TMEM204: variants seen among roughly 807,000 people sequenced by gnomAD.
TMEM204 encodes claudin-like protein 24.
In TMEM204, 15 loss-of-function variants were observed where a neutral mutation model predicts 19.4. The ratio of observed to expected loss-of-function variants is 0.77; its 90% confidence interval spans 0.52 to 1.19. The LOEUF (loss-of-function observed/expected upper bound fraction) is 1.19. TMEM204 is among the 50% of genes most tolerant of loss of function. The pLI is 0.00. For synonymous variants in TMEM204, 161 were observed against 146.0 expected (o/e 1.10, Z -0.74); for missense variants, 287 against 321.2 (o/e 0.89, Z 0.81).
At chr16:1,537,942 T>C (rs2031238757) in intron 1 of TMEM204, among the ~76,000 whole-genome samples, 1 of 152,134 alleles carries the variant, frequency 6.6e-6, no homozygotes, top group Non-Finnish European at 1.5e-5. Context: ...GCTCCCGGGC[T>C]TCACCCCCTG....
chr16:1,541,195 C>T (rs1420054965), intron 1 of TMEM204: 1 of 985,434 alleles, frequency 1.0e-6, no homozygotes, highest in Non-Finnish European at 1.2e-6. Flanking sequence ...TGGGCACAGG[C>T]CTGCTGTGAG....
At position 1,534,477 on chromosome 16, in the gene TMEM204, G is replaced by T. The variant is rs2030850126; in HGVS notation, c.202G>T (p.Val68Leu). The T allele has an allele frequency of 6.2e-7, 1 of 1,610,790 alleles. No homozygotes were observed. The highest frequency in any genetic ancestry group is 8.5e-7 in the Non-Finnish European group (1 of 1,179,870). ...GPSPGARAGQVDAHDCEALGW... is the reference protein window; with the variant it reads ...GPSPGARAGQLDAHDCEALGW... Reference sequence around the variant, plus strand: ...GAGCCCTGGGGCCAGAGCCGGCCAGGTGGACGCACATGACTGTGAGGCGCT... The same window carrying T: ...GAGCCCTGGGGCCAGAGCCGGCCAGTTGGACGCACATGACTGTGAGGCGCT... The change falls in exon 1 of 3, where the codon GTG (valine) becomes TTG (leucine). Residue 68 changes from valine (V) to leucine (L), a missense_variant. Coordinates refer to ENST00000566264, the MANE Select transcript of TMEM204 (RefSeq NM_024600.6).
At chr16:1,543,360 C>A (rs964695334) in intron 2 of TMEM204, among the ~76,000 whole-genome samples, 10 of 152,240 alleles carry the variant, frequency 6.6e-5, no homozygotes, top group Non-Finnish European at 2.9e-5. Flanking sequence ...ACTGTGGGGG[C>A]AGGTATTCCT....
At chr16:1,548,117 C>G (rs946658638) in intron 2 of TMEM204, among the ~76,000 whole-genome samples, 1 of 152,232 alleles carries the variant, frequency 6.6e-6, no homozygotes, top group Non-Finnish European at 1.5e-5. Flanking sequence ...GCCTCTCCCT[C>G]TAGAGAGGAT....
Position 1,551,720 on chromosome 16 carries a change from G to A in TMEM204, c.437-3062G>A, listed in dbSNP as rs756210956. Among the ~76,000 whole-genome samples the A allele has an allele frequency of 7.9e-5, 12 of 152,166 alleles. No homozygotes were observed. The highest frequency in any genetic ancestry group is 1.3e-4 in the Non-Finnish European group (9 of 68,022). On this transcript the variant is annotated intron_variant, in intron 2 of 2. Coordinates refer to ENST00000566264, the MANE Select transcript of TMEM204 (RefSeq NM_024600.6). The surrounding 1 kb of genome is among the most constrained non-coding windows in gnomAD (Gnocchi z 4.0). The stretch of plus-strand genomic sequence containing the variant: ...GATCAGCGGCACTTCAGTCTTCTAC[G>A]GGGTTTTGTTGGGAGCTACCTATAC...
rs551776962 is a variant in TMEM204, at chr16:1,548,210, G to A, written c.436+6134G>A. 2.0e-5 allele frequency among the ~76,000 whole-genome samples: 3 copies of A among 152,276 alleles called. No homozygotes were observed. In the South Asian group the frequency reaches 6.2e-4, roughly 32 times the overall value. ...ACTTGAGGTGGCCAGGGGGCCGTCT[G>A]CTCCGCATAGATTCTCTTTAGAGCC... On this transcript the variant is annotated intron_variant, in intron 2 of 2. Coordinates refer to ENST00000566264, the MANE Select transcript of TMEM204 (RefSeq NM_024600.6).
chr16:1,545,054 C>A (rs2032050207), intron 2 of TMEM204, among the ~76,000 whole-genome samples: 1 of 152,226 alleles, frequency 6.6e-6, no homozygotes. Context: ...CCTGCAAAAT[C>A]TTATTTCAGG....
chr16:1,554,823 G>A lies in TMEM204; in HGVS notation c.478G>A (p.Gly160Ser). The A allele has an allele frequency of 6.2e-7, 1 of 1,614,158 alleles. No homozygotes were observed. The highest frequency in any genetic ancestry group is 1.1e-5 in the South Asian group (1 of 91,078). The change falls in exon 3 of 3, where the codon GGC becomes AGC. Residue 160 changes from glycine (G) to serine (S), a missense_variant. Transcript: ENST00000566264. ...VIGLVTFYRI[G>S]PYTNLSWSCY... ...CGGGCTCGTGACTTTCTACAGAATTGGCCCATACACCAACCTGTCCTGGTC... is the reference window on the plus strand; with the variant it reads ...CGGGCTCGTGACTTTCTACAGAATTAGCCCATACACCAACCTGTCCTGGTC...
intron 1 of TMEM204, among the ~76,000 whole-genome samples, chr16:1,535,237 G>A (rs951309914): frequency 6.6e-6 from 1 of 152,140 alleles, no homozygotes; most frequent in African/African-American, 2.4e-5. Flanking sequence ...AGGACGCTCG[G>A]AAGGGGACAG....
chr16:1,553,701 C>A lies in TMEM204; in HGVS notation c.437-1081C>A, dbSNP rs1596354045. The A allele has an allele frequency of 9.3e-7, 1 of 1,079,762 alleles. No homozygotes were observed. The highest frequency in any genetic ancestry group is 7.1e-5 in the East Asian group (1 of 14,184). 66.9% of individuals were successfully genotyped at this position (1,079,762 alleles called of 1,614,324 possible). On this transcript the variant is annotated intron_variant, in intron 2 of 2. Coordinates refer to ENST00000566264, the MANE Select transcript of TMEM204 (RefSeq NM_024600.6). The surrounding 1 kb of genome is among the most constrained non-coding windows in gnomAD (Gnocchi z 4.4). The stretch of plus-strand genomic sequence containing the variant: ...GGGGCTGAAGGCTGGCTGGAGGCCC[C>A]ATGGCCTCCAGGACAATCTGTGGCC...
intron 1 of TMEM204, among the ~76,000 whole-genome samples, chr16:1,540,499 T>C (rs536378205): frequency 6.6e-6 from 1 of 152,258 alleles, no homozygotes; most frequent in South Asian, 2.1e-4. Flanking sequence ...CTTGAGGATC[T>C]CCCCATCCCC....
intron 1 of TMEM204, among the ~76,000 whole-genome samples, chr16:1,535,171 G>A (rs902693458): frequency 2.0e-5 from 3 of 152,186 alleles, no homozygotes; most frequent in Non-Finnish European, 4.4e-5. Context: ...GAGAGCAGCA[G>A]CAGGATCCCC....
At position 1,551,854 on chromosome 16, in the gene TMEM204, G is replaced by A. The variant is rs1434804376; in HGVS notation, c.437-2928G>A. On this transcript the variant is annotated intron_variant, in intron 2 of 2. Coordinates refer to ENST00000566264, the MANE Select transcript of TMEM204 (RefSeq NM_024600.6). This position sits in a 1 kb window ranked among gnomAD's most constrained non-coding sequence, Gnocchi z 4.0. ...TGTGTTGCCTTAGAGTTTTCTTCCC[G>A]AGGTTTTCCTAGAAAGCCACTGTAA... 2.0e-5 allele frequency among the ~76,000 whole-genome samples: 3 copies of A among 152,098 alleles called. No homozygotes were observed. The highest frequency in any genetic ancestry group is 4.8e-5 in the African/African-American group (2 of 41,418).
intron 2 of TMEM204, among the ~76,000 whole-genome samples, chr16:1,545,167 TGGAGGCCTTC>T (rs2032061668): frequency 6.6e-6 from 1 of 152,202 alleles, no homozygotes; most frequent in Non-Finnish European, 1.5e-5. Flanking sequence ...GGGACAGGGC[TGGAGGCCTTC>T]GGAGGCCTGT....
chr16:1,546,221 C>G (rs746496637), intron 2 of TMEM204, among the ~76,000 whole-genome samples: 10 of 152,194 alleles, frequency 6.6e-5, no homozygotes, highest in African/African-American at 9.7e-5. Flanking sequence ...ACAGCATGAC[C>G]CTGGCACCTG....
At chr16:1,535,485 G>A (rs937977062) in intron 1 of TMEM204, among the ~76,000 whole-genome samples, 3 of 152,206 alleles carry the variant, frequency 2.0e-5, no homozygotes, top group Admixed American at 1.3e-4. Context: ...ACAGACTCGG[G>A]GTTGGACGCT....
intron 2 of TMEM204, among the ~76,000 whole-genome samples, chr16:1,549,955 A>G (rs868180113): frequency 7.2e-5 from 11 of 151,962 alleles, no homozygotes; most frequent in African/African-American, 2.7e-4. Context: ...GTTTATCTAC[A>G]TTCTGAGTCT....
Position 1,553,252 on chromosome 16 carries a change from C to T in TMEM204, c.437-1530C>T, listed in dbSNP as rs1439557338. 2.0e-6 allele frequency: 2 copies of T among 977,158 alleles called. No homozygotes were observed. The highest frequency in any genetic ancestry group is 3.5e-5 in the African/African-American group (2 of 57,050). The allele number at this position is 977,158 out of a possible 1,614,324, so 60.5% of individuals were successfully genotyped here. On this transcript the variant is annotated intron_variant, in intron 2 of 2. Transcript: ENST00000566264. The surrounding 1 kb of genome is among the most constrained non-coding windows in gnomAD (Gnocchi z 4.4). ...TCTGTCTCTGTGTCTGTCTCTGTCT[C>T]TCTGTATCTCTCTTGGTCTCTGTCT...
chr16:1,541,323 C>A, intron 1 of TMEM204: 1 of 985,228 alleles, frequency 1.0e-6, no homozygotes, highest in Non-Finnish European at 1.2e-6. Flanking sequence ...CATGTCTGAC[C>A]CCTGCTCAGC....
Sources: gnomAD v4.1 joint callset for allele counts (sites outside exome capture counted in the v4.1 genomes callset) on GRCh38, gnomAD v4.1.1 for gene constraint, Gnocchi (gnomAD v3.1) non-coding constraint, MANE v1.5 for transcripts, NCBI Gene and HGNC (gene_info 2026-07-23, HGNC 2026-07-21) for gene names.